Variants in CCDC18 observed in about 807,000 individuals in gnomAD.
CCDC18 encodes coiled-coil domain-containing protein 18.
CCDC18 carries 157 observed loss-of-function variants against 196.0 expected under a neutral mutation model. The observed-to-expected ratio is 0.80, with a 90% CI of 0.70 to 0.91. CCDC18 has a LOEUF of 0.91. Ranked by LOEUF, CCDC18 falls within the 40% of genes least tolerant of loss-of-function variation. The probability of loss-of-function intolerance (pLI) is 0.00; values close to 1 mark genes in which losing one functional copy is unlikely to be tolerated. For missense variants in CCDC18, 1,465 were observed against 1,611.6 expected (o/e 0.91, Z 1.56); for synonymous variants, 482 against 529.2 (o/e 0.91, Z 1.22).
intron 27 of CCDC18, 64 bp from the exon 28 acceptor site, chr1:93,270,283 C>T (rs1212416332): frequency 2.3e-6 from 2 of 863,916 alleles, no homozygotes; most frequent in Non-Finnish European, 3.6e-6. Context: ...CTATGATTTT[C>T]TAAGGAGTTC....
At chr1:93,243,050 GCCCT>G (rs1557680169) in intron 21 of CCDC18, among the ~76,000 whole-genome samples, 3 of 152,154 alleles carry the variant, frequency 2.0e-5, no homozygotes, top group Non-Finnish European at 4.4e-5. Context: ...GAGGATGGTG[GCCCT>G]CCCTCTTCTC....
rs1197844124 is a variant in CCDC18 at position 93,194,075 on chromosome 1, A to T, written c.698+331A>T. On this transcript the variant is annotated intron_variant, in intron 6 of 28. Transcript: ENST00000690025. ...AAATACTAACAGGGAAAAAGCCTGT[A>T]AATTAATATTACCTCTAATAAAACT... Among the ~76,000 whole-genome samples, 3 of 152,160 alleles carry T rather than the reference A, an allele frequency of 2.0e-5. No individual in the cohort carries two copies. The East Asian group carries it at 5.8e-4, about 29-fold the overall frequency.
chr1:93,179,997 C>T, upstream of CCDC18: 3 of 1,536,902 alleles, frequency 2.0e-6, no homozygotes, highest in Non-Finnish European at 2.7e-6. Context: ...GGGTGAGAGG[C>T]GACAACGCAG....
chr1:93,258,552 AATTAT>A (rs1220493939), intron 25 of CCDC18, among the ~76,000 whole-genome samples, 191 bp from the exon 26 acceptor site: 2 of 152,318 alleles, frequency 1.3e-5, no homozygotes, highest in African/African-American at 4.8e-5. Context: ...GACAGCAAAC[AATTAT>A]ATTAATACTC....
intron 23 of CCDC18, among the ~76,000 whole-genome samples, chr1:93,253,860 C>T (rs1391870531): frequency 6.6e-6 from 1 of 152,172 alleles, no homozygotes; most frequent in Non-Finnish European, 1.5e-5. Context: ...TCTGTCTGTG[C>T]TCTCAAAATA....
chr1:93,227,827 G>T (rs1658620334), intron 17 of CCDC18, among the ~76,000 whole-genome samples: 1 of 151,270 alleles, frequency 6.6e-6, no homozygotes, highest in South Asian at 2.1e-4. Flanking sequence ...GTATGGTGGT[G>T]CATACCCGTG....
rs531490128 is a variant in CCDC18, at chr1:93,271,415, T to C, written c.4353+601T>C. 37 of 985,260 alleles carry C rather than the reference T, an allele frequency of 3.8e-5. No individual in the cohort carries two copies. The Admixed American group carries it at 7.4e-4, about 20-fold the overall frequency. The allele number at this position is 985,260 out of a possible 1,614,324, so 61.0% of individuals were successfully genotyped here. On this transcript the variant is annotated intron_variant, in intron 28 of 28. Coordinates refer to ENST00000690025, the MANE Select transcript of CCDC18 (RefSeq NM_001378204.1). Reference sequence around the variant, plus strand: ...ATCCCTCTTCTTTTTTAGAGAGAAATTCTTGAACATGTACTTTCAAGCCTT... The same window carrying C: ...ATCCCTCTTCTTTTTTAGAGAGAAACTCTTGAACATGTACTTTCAAGCCTT...
At chr1:93,227,031 T>G (rs532635049) in intron 17 of CCDC18, among the ~76,000 whole-genome samples, 151 of 152,246 alleles carry the variant, frequency 9.9e-4, no homozygotes, top group Non-Finnish European at 1.9e-3. Context: ...ACATGACACC[T>G]TGAACATTGT....
chr1:93,246,796 T>C (rs1437035163), intron 22 of CCDC18, 42 bp from the exon 23 acceptor site: 1 of 896,110 alleles, frequency 1.1e-6, no homozygotes, highest in Non-Finnish European at 1.8e-6. Context: ...CAAGTTTTTA[T>C]ATCAGAATAA....
Position 93,275,378 on chromosome 1 carries a change from A to G in CCDC18, c.4354-3085A>G, listed in dbSNP as rs544746249. ...CCCACCTTGGCCTCCCAAAGTGCTG[A>G]GATGACAGGCGTGAGCCACCGCACC... is the stretch of plus-strand genomic sequence containing the variant. On this transcript the variant is annotated intron_variant, in intron 28 of 28. Coordinates refer to ENST00000690025, the MANE Select transcript of CCDC18 (RefSeq NM_001378204.1). Among the ~76,000 whole-genome samples, 11 of 152,126 alleles carry G rather than the reference A, an allele frequency of 7.2e-5. No individual in the cohort carries two copies. The East Asian group carries it at 2.1e-3, about 30-fold the overall frequency.
chr1:93,180,975 C>T, intron 1 of CCDC18, 123 bp downstream of exon 1: 1 of 949,372 alleles, frequency 1.1e-6, no homozygotes, highest in South Asian at 1.3e-5. Flanking sequence ...TGGGACTGGT[C>T]CTCGTGGTTG....
intron 28 of CCDC18, among the ~76,000 whole-genome samples, chr1:93,274,032 A>G (rs1277789345): frequency 6.6e-6 from 1 of 152,184 alleles, no homozygotes; most frequent in African/African-American, 2.4e-5. Context: ...TATAATCTTT[A>G]CATAATTGTA....
At chr1:93,252,991 C>G (rs1198818994) in intron 23 of CCDC18, among the ~76,000 whole-genome samples, 1 of 152,240 alleles carries the variant, frequency 6.6e-6, no homozygotes, top group Non-Finnish European at 1.5e-5. Context: ...AGAAGGCTGT[C>G]CTGGTGGCCC....
intron 8 of CCDC18, among the ~76,000 whole-genome samples, chr1:93,206,188 AAAGG>A (rs901877032): frequency 2.6e-5 from 4 of 152,124 alleles, no homozygotes; most frequent in Admixed American, 1.3e-4. Context: ...AATTTAAAAA[AAAGG>A]GGGAGCAGGA....
At chr1:93,221,981 T>A (rs1025191426) in intron 16 of CCDC18, 45 bp downstream of exon 16, 16 of 1,335,872 alleles carry the variant, frequency 1.2e-5, no homozygotes, top group Non-Finnish European at 1.6e-5. Context: ...CTTTTTTTTT[T>A]TTTTAACAGA....
chr1:93,221,603 G>A lies in CCDC18; in HGVS notation c.1963-6G>A, dbSNP rs2102224473. ...TTTAATATGAAAATTCTGTTTTCAT[G>A]TTTAGCTTGAAGCTCAACTAGAGAA... On this transcript the variant is annotated splice_polypyrimidine_tract_variant and splice_region_variant and intron_variant, in intron 14 of 28. Transcript: ENST00000690025. The A allele has an allele frequency of 6.7e-7, 1 of 1,493,990 alleles. No homozygotes were observed. The highest frequency in any genetic ancestry group is 2.5e-5 in the East Asian group (1 of 39,684). The allele number at this position is 1,493,990 out of a possible 1,614,324, so 92.5% of individuals were successfully genotyped here. A position where few individuals can be genotyped will look rare whatever the true frequency, so the allele number is the denominator to read the frequency against.
intron 14 of CCDC18, among the ~76,000 whole-genome samples, chr1:93,220,350 G>A (rs1323982926): frequency 6.6e-6 from 1 of 152,134 alleles, no homozygotes; most frequent in Non-Finnish European, 1.5e-5. Context: ...TAGAGAATTT[G>A]TCACCAGCAG....
intron 18 of CCDC18, among the ~76,000 whole-genome samples, chr1:93,235,824 G>A (rs1660000675): frequency 6.6e-6 from 1 of 152,036 alleles, no homozygotes; most frequent in African/African-American, 2.4e-5. Context: ...TAGAATAGAG[G>A]AAGAATGAAT....
At chr1:93,216,782 A>G (rs758547267) in intron 13 of CCDC18, 36 bp downstream of exon 13, 1 of 1,055,584 alleles carries the variant, frequency 9.5e-7, no homozygotes, top group East Asian at 2.5e-5. Flanking sequence ...ATTTACTGTG[A>G]TTTTTAGGCA....
Sources: gnomAD v4.1 joint callset for allele counts (sites outside exome capture counted in the v4.1 genomes callset) on GRCh38, gnomAD v4.1.1 for gene constraint, MANE v1.5 for transcripts, NCBI Gene and HGNC (gene_info 2026-07-23, HGNC 2026-07-21) for gene names.